The following PPP2R2C variants were observed in gnomAD, a reference collection of about 807,000 sequenced individuals.
PPP2R2C encodes protein phosphatase 2 regulatory subunit Bgamma.
PPP2R2C carries 10 observed loss-of-function variants against 45.3 expected under a neutral mutation model. The observed-to-expected ratio is 0.22, with a 90% CI of 0.14 to 0.37. The LOEUF (loss-of-function observed/expected upper bound fraction) is 0.37, where lower values mean the gene tolerates loss of function less well. Among genes scored for constraint, PPP2R2C ranks in the 10% least tolerant of loss-of-function variants. The pLI is 1.00. For synonymous variants in PPP2R2C, 257 were observed against 245.4 expected (o/e 1.05, Z -0.44); for missense variants, 308 against 619.7 (o/e 0.50, Z 5.34).
chr4:6,477,082 G>A (rs1722169845), upstream of PPP2R2C, among the ~76,000 whole-genome samples: 1 of 152,030 alleles, frequency 6.6e-6, no homozygotes. Context: ...GGGAGACCCC[G>A]TCTCTACTAA....
chr4:6,335,585 G>A (rs1488398694), intron 6 of PPP2R2C, among the ~76,000 whole-genome samples: 2 of 152,094 alleles, frequency 1.3e-5, no homozygotes, highest in Non-Finnish European at 2.9e-5. Flanking sequence ...GAGACAGGGA[G>A]GATGAAATCT....
intron 2 of PPP2R2C, chr4:6,380,378 C>T (rs1715688657): frequency 6.5e-6 from 1 of 152,806 alleles, no homozygotes; most frequent in Non-Finnish European, 1.5e-5. Context: ...CCACTGCTGT[C>T]TTACCCAGAG....
At chr4:6,430,938 C>G (rs1719580882) in intron 1 of PPP2R2C, among the ~76,000 whole-genome samples, 1 of 6,844 alleles carries the variant, frequency 1.5e-4, no homozygotes, top group Non-Finnish European at 8.1e-4. Flanking sequence ...AAAACAACAA[C>G]AACAACAAAA....
chr4:6,524,455 C>T (rs1446734146), intron 2 of PPP2R2C, among the ~76,000 whole-genome samples: 1 of 152,040 alleles, frequency 6.6e-6, no homozygotes, highest in Non-Finnish European at 1.5e-5. Context: ...TTTAATTGAG[C>T]AAAAAACGAT....
At chr4:6,434,573 G>A (rs1719803714) in intron 1 of PPP2R2C, among the ~76,000 whole-genome samples, 2 of 151,870 alleles carry the variant, frequency 1.3e-5, no homozygotes, top group African/African-American at 4.8e-5. Flanking sequence ...TGGCCAGTCT[G>A]GTGTCAAACT....
At chr4:6,526,464 C>T (rs1724212950) in intron 2 of PPP2R2C, among the ~76,000 whole-genome samples, 1 of 152,142 alleles carries the variant, frequency 6.6e-6, no homozygotes. Flanking sequence ...ATGTTCTGGG[C>T]CTAGATAGTG....
chr4:6,471,939 C>T lies in PPP2R2C; in HGVS notation c.70+221G>A, dbSNP rs909011231. 6.7e-6 allele frequency among the ~76,000 whole-genome samples: 1 copy of T among 149,918 alleles called. No homozygotes were observed. Among genetic ancestry groups the T allele is most frequent in the Non-Finnish European group, 1.5e-5 (1 of 67,354 alleles). The stretch of plus-strand genomic sequence containing the variant: ...CGCGGAGGAGGGCGCTGCCCTGTGC[C>T]GGCGCTGGGCAGCGGAGGCCGGTAC... On this transcript the variant is annotated intron_variant, in intron 1 of 8. Transcript: ENST00000382599. The surrounding 1 kb of genome is among the most constrained non-coding windows in gnomAD (Gnocchi z 5.6).
At chr4:6,426,758 G>C (rs1370370779) in intron 1 of PPP2R2C, among the ~76,000 whole-genome samples, 1 of 152,192 alleles carries the variant, frequency 6.6e-6, no homozygotes, top group Admixed American at 6.5e-5. Context: ...CAGTTCAGCT[G>C]CCTCCATCCA....
At chr4:6,376,497 G>A (rs1187984350) in intron 3 of PPP2R2C, among the ~76,000 whole-genome samples, 1 of 151,594 alleles carries the variant, frequency 6.6e-6, no homozygotes, top group Non-Finnish European at 1.5e-5. Context: ...ACATCACCCA[G>A]GCTGGAGTGC....
intron 1 of PPP2R2C, among the ~76,000 whole-genome samples, chr4:6,537,081 T>C (rs1724647538): frequency 6.6e-6 from 1 of 152,048 alleles, no homozygotes; most frequent in Admixed American, 6.5e-5. Flanking sequence ...TGGGCACCTG[T>C]AGTCCCAGCT....
chr4:6,408,015 T>A (rs910154545), intron 1 of PPP2R2C, among the ~76,000 whole-genome samples: 1 of 152,176 alleles, frequency 6.6e-6, no homozygotes, highest in African/African-American at 2.4e-5. Flanking sequence ...TATACTATTT[T>A]GGATATACAA....
chr4:6,514,192 G>C (rs1480639624), intron 2 of PPP2R2C, among the ~76,000 whole-genome samples: 3 of 152,126 alleles, frequency 2.0e-5, no homozygotes, highest in Non-Finnish European at 4.4e-5. Flanking sequence ...AGGTGACAAT[G>C]TTGTGCAACC....
intron 1 of PPP2R2C, chr4:6,383,385 C>T (rs1354823569): frequency 7.8e-7 from 1 of 1,289,862 alleles, no homozygotes; most frequent in East Asian, 5.5e-5. Flanking sequence ...GTGTTTTTAA[C>T]TCAGCAAAAG....
intron 5 of PPP2R2C, among the ~76,000 whole-genome samples, chr4:6,371,954 TCTCTTCC>T (rs1307773237): frequency 6.6e-6 from 1 of 152,054 alleles, no homozygotes; most frequent in Non-Finnish European, 1.5e-5. Context: ...CATCACCAGC[TCTCTTCC>T]CAGCAGTCGG....
rs1275359302 is a variant in PPP2R2C at position 6,342,710 on chromosome 4, C to T, written c.790+5136G>A. Among the ~76,000 whole-genome samples, 9 of 152,294 alleles carry T rather than the reference C, an allele frequency of 5.9e-5. No homozygotes were observed. In the East Asian group the frequency reaches 1.3e-3, roughly 23 times the overall value. The stretch of plus-strand genomic sequence containing the variant: ...ACTGTCTATTTTGAGGACTCATGTA[C>T]GGTTGTTTCCACGGTTACCCTGTCA... On this transcript the variant is annotated intron_variant, in intron 6 of 8. Coordinates refer to ENST00000382599, the MANE Select transcript of PPP2R2C (RefSeq NM_020416.4).
At chr4:6,444,745 C>A (rs1237664196) in intron 1 of PPP2R2C, among the ~76,000 whole-genome samples, 4 of 152,240 alleles carry the variant, frequency 2.6e-5, no homozygotes. Flanking sequence ...CGATGCCTGG[C>A]CAGGCAGATG....
chr4:6,519,424 C>T (rs1287778118), intron 2 of PPP2R2C, among the ~76,000 whole-genome samples: 2 of 152,212 alleles, frequency 1.3e-5, no homozygotes, highest in African/African-American at 4.8e-5. Flanking sequence ...CCCTAAAAGT[C>T]CACCCAGGCC....
intron 2 of PPP2R2C, among the ~76,000 whole-genome samples, chr4:6,516,593 G>A (rs1723835400): frequency 6.6e-6 from 1 of 152,228 alleles, no homozygotes; most frequent in Non-Finnish European, 1.5e-5. Context: ...GGCCCTGTGA[G>A]CGTGTGCTGC....
At chr4:6,383,294 G>A in intron 1 of PPP2R2C, 3 of 1,268,934 alleles carry the variant, frequency 2.4e-6, no homozygotes, top group Non-Finnish European at 1.0e-6. Context: ...CCACAGAGCA[G>A]GGCAAGCCCA....
Sources: gnomAD v4.1 joint callset for allele counts (sites outside exome capture counted in the v4.1 genomes callset) on GRCh38, gnomAD v4.1.1 for gene constraint, Gnocchi (gnomAD v3.1) non-coding constraint, MANE v1.5 for transcripts, NCBI Gene and HGNC (gene_info 2026-07-23, HGNC 2026-07-21) for gene names.